Variants in SPTBN1 observed in about 807,000 individuals in gnomAD.
The protein encoded by SPTBN1 is spectrin beta chain, non-erythrocytic 1.
A neutral mutation model predicts 266.4 loss-of-function variants in SPTBN1; 32 were observed. That is an observed-to-expected ratio of 0.12 (90% CI 0.09 to 0.16). The LOEUF is 0.16. Ranked by LOEUF, SPTBN1 falls within the 10% of genes least tolerant of loss-of-function variation. The pLI is 1.00. For synonymous variants in SPTBN1, 1,336 were observed against 1,162.2 expected (o/e 1.15, Z -3.04); for missense variants, 2,296 against 3,067.1 (o/e 0.75, Z 5.94).
chr2:54,635,207 G>A (rs1302627968), intron 17 of SPTBN1, among the ~76,000 whole-genome samples: 1 of 152,174 alleles, frequency 6.6e-6, no homozygotes, highest in Non-Finnish European at 1.5e-5. Flanking sequence ...GTTTTAAAAG[G>A]TCCTTCTCAG....
At chr2:54,539,141 C>G (rs2104388897) in intron 2 of SPTBN1, among the ~76,000 whole-genome samples, 1 of 152,310 alleles carries the variant, frequency 6.6e-6, no homozygotes, top group Non-Finnish European at 1.5e-5. Flanking sequence ...CAGCTGATGA[C>G]TAAATTCCTT....
At chr2:54,537,171 G>A (rs1002137973) in intron 2 of SPTBN1, among the ~76,000 whole-genome samples, 1 of 152,190 alleles carries the variant, frequency 6.6e-6, no homozygotes, top group Non-Finnish European at 1.5e-5. Flanking sequence ...CTCATTCATT[G>A]GAACCCTCTG....
chr2:54,593,176 T>G lies in SPTBN1; in HGVS notation c.149-5916T>G, dbSNP rs952167768. Among the ~76,000 whole-genome samples, 4 of 152,146 alleles carry G rather than the reference T, an allele frequency of 2.6e-5. No individual in the cohort carries two copies. The South Asian group carries it at 8.3e-4, about 32-fold the overall frequency. ...TCTCATTGACAGTAGTTAGCTAATTTACTTATCTCTGAGCCTGTGGAACTA... is the reference window on the plus strand; with the variant it reads ...TCTCATTGACAGTAGTTAGCTAATTGACTTATCTCTGAGCCTGTGGAACTA... On this transcript the variant is annotated intron_variant, in intron 2 of 35. Coordinates refer to ENST00000356805, the MANE Select transcript of SPTBN1 (RefSeq NM_003128.3).
intron 1 of SPTBN1, among the ~76,000 whole-genome samples, chr2:54,471,077 CAATT>C (rs1427496241): frequency 1.3e-5 from 2 of 152,102 alleles, no homozygotes; most frequent in Admixed American, 1.3e-4. Flanking sequence ...AGAATGTACT[CAATT>C]AATAATCTTC....
intron 2 of SPTBN1, among the ~76,000 whole-genome samples, chr2:54,530,860 C>G (rs1365006325): frequency 6.6e-6 from 1 of 152,098 alleles, no homozygotes; most frequent in Non-Finnish European, 1.5e-5. Context: ...TTTCTGACAC[C>G]TGAGTTTGTG....
chr2:54,627,363 A>T (rs1015021121), intron 12 of SPTBN1, among the ~76,000 whole-genome samples: 16 of 152,228 alleles, frequency 1.1e-4, no homozygotes, highest in Non-Finnish European at 1.8e-4. Flanking sequence ...TAGAAATCTC[A>T]TCTGGCGAGG....
intron 2 of SPTBN1, among the ~76,000 whole-genome samples, chr2:54,572,555 C>A (rs1225877347): frequency 6.6e-6 from 1 of 152,198 alleles, no homozygotes; most frequent in Non-Finnish European, 1.5e-5. Context: ...CAAACTTGGT[C>A]TTTTAAACTG....
chr2:54,628,150 G>T lies in SPTBN1; in HGVS notation c.1698G>T (p.Leu566=). The T allele has an allele frequency of 6.2e-7, 1 of 1,614,134 alleles. No individual in the cohort carries two copies. Among genetic ancestry groups the T allele is most frequent in the Non-Finnish European group, 8.5e-7 (1 of 1,179,996 alleles). ...AACACTTACTTGGTGTGGAAGACCTGTTACAGAAGCACACCCTGGTTGAAG... is the reference window on the plus strand; with the variant it reads ...AACACTTACTTGGTGTGGAAGACCTTTTACAGAAGCACACCCTGGTTGAAG... ...YGKHLLGVED[L]LQKHTLVEAD... Residue 566 remains leucine (L), a synonymous_variant, in exon 13 of 36, where the codon CTG becomes CTT. Transcript: ENST00000356805. The surrounding 1 kb of genome is among the most constrained non-coding windows in gnomAD (Gnocchi z 4.3).
intron 2 of SPTBN1, among the ~76,000 whole-genome samples, chr2:54,576,906 G>A (rs1378571980): frequency 1.3e-5 from 2 of 152,146 alleles, no homozygotes; most frequent in African/African-American, 4.8e-5. Flanking sequence ...GCATTTTGGA[G>A]GAATTGACAT....
chr2:54,473,036 A>G (rs577836987), intron 1 of SPTBN1, among the ~76,000 whole-genome samples: 13 of 152,358 alleles, frequency 8.5e-5, no homozygotes, highest in South Asian at 4.1e-4. Context: ...TGATAATTTC[A>G]TAGCTCTGTA....
chr2:54,653,223 C>T lies in SPTBN1; in HGVS notation c.5578-386C>T, dbSNP rs915828046. The T allele has an allele frequency of 1.2e-5, 2 of 170,752 alleles. No individual in the cohort carries two copies. The highest frequency in any genetic ancestry group is 1.2e-5 in the Non-Finnish European group (1 of 80,848). 10.6% of individuals were successfully genotyped at this position (170,752 alleles called of 1,614,324 possible). A position where few individuals can be genotyped will look rare whatever the true frequency, so the allele number is the denominator to read the frequency against. On this transcript the variant is annotated intron_variant, in intron 26 of 35. Coordinates refer to ENST00000356805, the MANE Select transcript of SPTBN1 (RefSeq NM_003128.3). This position sits in a 1 kb window ranked among gnomAD's most constrained non-coding sequence, Gnocchi z 5.1. ...AAAATGTGCTCTTCATGGCAGTTTC[C>T]CATTCATCATAAAAACATTTATCTT... is the stretch of plus-strand genomic sequence containing the variant.
chr2:54,466,493 C>T lies in SPTBN1; in HGVS notation c.-48+9975C>T, dbSNP rs200048862. On this transcript the variant is annotated intron_variant, in intron 1 of 35. Transcript: ENST00000356805. The stretch of plus-strand genomic sequence containing the variant: ...AGGAGAATGGCGTGAACCCGGGAGG[C>T]GAAGCTTGCAGTGAGCCGAGATCGC... Among the ~76,000 whole-genome samples, 35 of 46,148 alleles carry T rather than the reference C, an allele frequency of 7.6e-4. 13 individuals are homozygous for T. In the East Asian group the frequency reaches 0.023, roughly 31 times the overall value. 30.3% of individuals were successfully genotyped at this position (46,148 alleles called of 152,430 possible).
chr2:54,637,918 A>T (rs766767094), intron 18 of SPTBN1, 115 bp downstream of exon 18: 12 of 836,508 alleles, frequency 1.4e-5, no homozygotes, highest in Non-Finnish European at 2.3e-5. Flanking sequence ...AATCCATAGC[A>T]CCCATTTGAC....
chr2:54,618,025 A>G (rs1677727979), intron 6 of SPTBN1, 53 bp from the exon 7 acceptor site: 3 of 1,404,242 alleles, frequency 2.1e-6, no homozygotes, highest in East Asian at 4.6e-5. Flanking sequence ...TTCATTAGTC[A>G]TATTTCTTTT....
chr2:54,642,497 A>T lies in SPTBN1; in HGVS notation c.3859-486A>T, dbSNP rs572287861. Reference sequence around the variant, plus strand: ...TGCCTTTTTGCATTCCCTTCGATGCACCCACAAAAAGGGGGAGGTAATAAA... The same window carrying T: ...TGCCTTTTTGCATTCCCTTCGATGCTCCCACAAAAAGGGGGAGGTAATAAA... On this transcript the variant is annotated intron_variant, in intron 18 of 35. Transcript: ENST00000356805. 4.6e-5 allele frequency among the ~76,000 whole-genome samples: 7 copies of T among 150,672 alleles called. No homozygotes were observed. In the South Asian group the frequency reaches 8.4e-4, roughly 18 times the overall value.
At chr2:54,562,696 TTGTGTGTGTGTGTGTGTG>T (rs55947327) in intron 2 of SPTBN1, among the ~76,000 whole-genome samples, 1 of 122,598 alleles carries the variant, frequency 8.2e-6, no homozygotes, top group African/African-American at 3.6e-5. Context: ...AAACCCTGCT[TTGTGTGTGTGTGTGTGTG>T]TGTGTGTGTG....
intron 1 of SPTBN1, among the ~76,000 whole-genome samples, chr2:54,497,393 A>G (rs1002635086): frequency 1.8e-4 from 27 of 152,228 alleles, no homozygotes; most frequent in Non-Finnish European, 3.8e-4. Context: ...CACTAAGCTC[A>G]CTTGAGTACT....
At chr2:54,566,435 C>T (rs12476489) in intron 2 of SPTBN1, among the ~76,000 whole-genome samples, 1 of 151,756 alleles carries the variant, frequency 6.6e-6, no homozygotes, top group Admixed American at 6.6e-5. Flanking sequence ...TGATCCACCC[C>T]CCTTGGCCTC....
At chr2:54,641,483 C>G (rs534878136) in intron 18 of SPTBN1, among the ~76,000 whole-genome samples, 4 of 152,294 alleles carry the variant, frequency 2.6e-5, no homozygotes, top group African/African-American at 7.2e-5. Context: ...TAGCCATAGT[C>G]TTTCAGATTT....
Sources: gnomAD v4.1 joint callset for allele counts (sites outside exome capture counted in the v4.1 genomes callset) on GRCh38, gnomAD v4.1.1 for gene constraint, Gnocchi (gnomAD v3.1) non-coding constraint, MANE v1.5 for transcripts, NCBI Gene and HGNC (gene_info 2026-07-23, HGNC 2026-07-21) for gene names.